The following GALNT1 variants were observed in gnomAD, a reference collection of about 807,000 sequenced individuals.
GALNT1 encodes the protein polypeptide N-acetylgalactosaminyltransferase 1, also known as GalNAc transferase 1.
A neutral mutation model predicts 65.7 loss-of-function variants in GALNT1; 17 were observed. That is an observed-to-expected ratio of 0.26 (90% CI 0.18 to 0.39). GALNT1 has a LOEUF of 0.39. Among genes scored for constraint, GALNT1 ranks in the 10% least tolerant of loss-of-function variants. The probability of loss-of-function intolerance (pLI) is 1.00; values close to 1 mark genes in which losing one functional copy is unlikely to be tolerated. For missense variants in GALNT1, 460 were observed against 672.8 expected (o/e 0.68, Z 3.50); for synonymous variants, 210 against 219.7 (o/e 0.96, Z 0.39).
At chr18:35,582,789 C>G (rs1165166188) in intron 1 of GALNT1, among the ~76,000 whole-genome samples, 1 of 152,230 alleles carries the variant, frequency 6.6e-6, no homozygotes, top group African/African-American at 2.4e-5. Context: ...AGGTCACAAT[C>G]TGAGCAGCAG....
chr18:35,656,785 C>A (rs2047393891), intron 2 of GALNT1, among the ~76,000 whole-genome samples: 1 of 152,106 alleles, frequency 6.6e-6, no homozygotes, highest in Admixed American at 6.6e-5. Flanking sequence ...AACTGGTGGA[C>A]TGGAAGAGGA....
At chr18:35,624,364 T>C (rs1399689250) in intron 1 of GALNT1, among the ~76,000 whole-genome samples, 2 of 152,220 alleles carry the variant, frequency 1.3e-5, no homozygotes, top group African/African-American at 4.8e-5. Context: ...TGCTGTTATT[T>C]GTGAGTAGAT....
chr18:35,673,573 C>CT (rs2047664957), intron 3 of GALNT1, among the ~76,000 whole-genome samples: 1 of 152,130 alleles, frequency 6.6e-6, no homozygotes, highest in Non-Finnish European at 1.5e-5. Context: ...CAGGAGGACC[C>CT]TTTCAGGCCA....
intron 4 of GALNT1, among the ~76,000 whole-genome samples, chr18:35,682,400 T>C (rs971956805): frequency 1.3e-5 from 2 of 152,132 alleles, no homozygotes; most frequent in Non-Finnish European, 2.9e-5. Context: ...TTAATAGATA[T>C]GAGGATAATC....
upstream of GALNT1, chr18:35,581,642 CGGAGTAGCCGCCGACCCGAGCCG>C (rs2046316554): frequency 0.06 from 3 of 50 alleles, no homozygotes; most frequent in African/African-American, 0.21. Flanking sequence ...GCGGGGCGCC[CGGAGTAGCCGCCGACCCGAGCCG>C]GGCGCGGAGG....
chr18:35,642,897 A>G (rs1308142625), intron 1 of GALNT1, among the ~76,000 whole-genome samples: 1 of 151,902 alleles, frequency 6.6e-6, no homozygotes, highest in East Asian at 1.9e-4. Context: ...GTGCTCTGCC[A>G]CTCATCTGTA....
At chr18:35,652,553 T>A (rs193154572) in intron 1 of GALNT1, among the ~76,000 whole-genome samples, 4 of 152,170 alleles carry the variant, frequency 2.6e-5, no homozygotes, top group Non-Finnish European at 4.4e-5. Context: ...TGACTGCCTA[T>A]TGACACCTCG....
chr18:35,601,087 A>G (rs1169800862), intron 1 of GALNT1, among the ~76,000 whole-genome samples: 1 of 152,012 alleles, frequency 6.6e-6, no homozygotes, highest in Non-Finnish European at 1.5e-5. Context: ...CTTTTCTTTG[A>G]TGGGAGACTT....
At chr18:35,648,023 A>AGAG (rs2047254001) in intron 1 of GALNT1, among the ~76,000 whole-genome samples, 1 of 145,524 alleles carries the variant, frequency 6.9e-6, no homozygotes, top group Non-Finnish European at 1.5e-5. Flanking sequence ...AAAAACAAAA[A>AGAG]GAGAAGAAGA....
intron 1 of GALNT1, among the ~76,000 whole-genome samples, chr18:35,610,050 A>C (rs930690140): frequency 1.7e-4 from 26 of 152,230 alleles, no homozygotes; most frequent in African/African-American, 6.3e-4. Flanking sequence ...AGAGTGTTCA[A>C]ATTTCAAGGA....
chr18:35,658,607 A>G (rs2047430135), intron 2 of GALNT1, among the ~76,000 whole-genome samples: 1 of 152,026 alleles, frequency 6.6e-6, no homozygotes, highest in Admixed American at 6.6e-5. Context: ...ATTTGAAGAG[A>G]TGTTTACTAA....
chr18:35,588,704 T>G (rs778679617), intron 1 of GALNT1, among the ~76,000 whole-genome samples: 2 of 152,176 alleles, frequency 1.3e-5, no homozygotes, highest in Non-Finnish European at 2.9e-5. Context: ...TTTCTGCTGC[T>G]GAGTCTTTTT....
chr18:35,587,499 T>C (rs1158039853), intron 1 of GALNT1, among the ~76,000 whole-genome samples: 1 of 152,208 alleles, frequency 6.6e-6, no homozygotes, highest in Non-Finnish European at 1.5e-5. Context: ...GGATGCTGTT[T>C]ATCAAGTTAG....
rs115972778 is a variant in GALNT1 at position 35,639,086 on chromosome 18, A to G, written c.-103-15474A>G. Among the ~76,000 whole-genome samples the G allele has an allele frequency of 9.0e-3, 1,374 of 152,356 alleles. 21 individuals carry two copies. Among genetic ancestry groups the G allele is most frequent in the African/African-American group, 0.03 (1,230 of 41,578 alleles). On this transcript the variant is annotated intron_variant, in intron 1 of 11. Transcript: ENST00000269195. The stretch of plus-strand genomic sequence containing the variant: ...TTAGAATAATCCATAAACCTAGTTG[A>G]TAAAGCAGTGGCAAGGGGTTTGAGA...
intron 5 of GALNT1, among the ~76,000 whole-genome samples, chr18:35,684,840 G>A (rs1057449434): frequency 3.3e-5 from 5 of 152,212 alleles, no homozygotes; most frequent in African/African-American, 9.6e-5. Flanking sequence ...TGCCTTGAGA[G>A]ACAAATAAGA....
At position 35,710,492 on chromosome 18, in the gene GALNT1, A is replaced by G. The variant is rs2048336280; in HGVS notation, c.*722A>G. On this transcript the variant is annotated 3_prime_UTR_variant, in exon 12 of 12. Coordinates refer to ENST00000269195, the MANE Select transcript of GALNT1 (RefSeq NM_020474.4). ...TGAGCTGAAAAAAAAAGGCTCTTTG[A>G]ATATAGTTTTAATTTCTCTCTACAG... 1.3e-5 allele frequency: 2 copies of G among 152,006 alleles called. No homozygotes were observed. The highest frequency in any genetic ancestry group is 4.2e-4 in the South Asian group (2 of 4,814). The allele number at this position is 152,006 out of a possible 1,614,324, so 9.4% of individuals were successfully genotyped here. A position where few individuals can be genotyped will look rare whatever the true frequency, so the allele number is the denominator to read the frequency against.
At chr18:35,670,211 G>C (rs1377078315) in intron 3 of GALNT1, among the ~76,000 whole-genome samples, 4 of 152,000 alleles carry the variant, frequency 2.6e-5, no homozygotes, top group Non-Finnish European at 4.4e-5. Flanking sequence ...AGGATAACTT[G>C]AGCTCAGGAG....
chr18:35,583,082 C>T (rs2046341643), intron 1 of GALNT1, among the ~76,000 whole-genome samples: 1 of 152,122 alleles, frequency 6.6e-6, no homozygotes, highest in African/African-American at 2.4e-5. Flanking sequence ...GTTTTAAGTT[C>T]TGGGTACATG....
chr18:35,631,250 TA>T (rs2047004173), intron 1 of GALNT1, among the ~76,000 whole-genome samples: 1 of 151,746 alleles, frequency 6.6e-6, no homozygotes, highest in African/African-American at 2.4e-5. Context: ...GACACAACTT[TA>T]AAAAAAGAGA....
Sources: allele counts gnomAD v4.1 joint callset (sites outside exome capture counted in the v4.1 genomes callset), GRCh38; gene constraint gnomAD v4.1.1; transcripts MANE v1.5; gene names NCBI Gene and HGNC (gene_info 2026-07-23, HGNC 2026-07-21).